MIS18A: variants seen among roughly 807,000 people sequenced by gnomAD.
MIS18A encodes MIS18 kinetochore protein A, also known as protein Mis18-alpha.
A neutral mutation model predicts 25.0 loss-of-function variants in MIS18A; 14 were observed. That is an observed-to-expected ratio of 0.56 (90% CI 0.37 to 0.88). The LOEUF is 0.88. Among genes scored for constraint, MIS18A ranks in the 40% least tolerant of loss-of-function variants. The probability of loss-of-function intolerance (pLI) is 0.00; values close to 1 mark genes in which losing one functional copy is unlikely to be tolerated. For missense variants in MIS18A, 292 were observed against 290.8 expected (o/e 1.00, Z -0.03); for synonymous variants, 134 against 118.6 (o/e 1.13, Z -0.84).
chr21:32,189,980 C>A, the MIS18A span, among the ~76,000 whole-genome samples: 1 of 152,206 alleles, frequency 6.6e-6, no homozygotes, highest in Admixed American at 6.5e-5. Context: ...CCCTCACTTT[C>A]TCCTCCACCC....
At chr21:32,185,289 G>A in the MIS18A span, among the ~76,000 whole-genome samples, 2 of 152,064 alleles carry the variant, frequency 1.3e-5, no homozygotes, top group African/African-American at 4.8e-5. Flanking sequence ...TTAACTGATT[G>A]GTTAGTTTGG....
chr21:32,170,242 A>C, the MIS18A span, among the ~76,000 whole-genome samples: 2 of 152,172 alleles, frequency 1.3e-5, no homozygotes, highest in Admixed American at 6.5e-5. Flanking sequence ...TTCAAATAGA[A>C]AACACATGGA....
At chr21:32,184,588 C>T in the MIS18A span, among the ~76,000 whole-genome samples, 9 of 152,166 alleles carry the variant, frequency 5.9e-5, no homozygotes, top group Non-Finnish European at 1.2e-4. Context: ...TGATATGTGA[C>T]ACCTCCCCAC....
At chr21:32,253,007 C>T in the MIS18A span, among the ~76,000 whole-genome samples, 1 of 152,164 alleles carries the variant, frequency 6.6e-6, no homozygotes, top group Non-Finnish European at 1.5e-5. Flanking sequence ...AAGGAAGGAG[C>T]TGCCCTTGGG....
At chr21:32,216,667 G>C in the MIS18A span, among the ~76,000 whole-genome samples, 3 of 152,184 alleles carry the variant, frequency 2.0e-5, no homozygotes, top group African/African-American at 7.2e-5. Context: ...CATGCCCAGA[G>C]CTATATCATG....
the MIS18A span, among the ~76,000 whole-genome samples, chr21:32,170,259 C>T: frequency 6.6e-6 from 1 of 152,046 alleles, no homozygotes; most frequent in African/African-American, 2.4e-5. Flanking sequence ...TGGAATCAAC[C>T]TAGGTGCTCA....
chr21:32,270,511 G>C lies in MIS18A; in HGVS notation c.420C>G (p.Cys140Trp), dbSNP rs765407603. Reference protein sequence around the residue: ...KENGCVLETLCCAGCSLNLGY... With the variant: ...KENGCVLETLWCAGCSLNLGY... ...CAAGATTGAGTGAGCACCCCGCGCA[G>C]CACAAAGTCTCAAGGACGCTGCAAT... is the stretch of plus-strand genomic sequence containing the variant. The change falls in exon 3 of 5, where the codon TGC becomes TGG. Residue 140 changes from cysteine to tryptophan, a missense_variant. Coordinates refer to ENST00000290130, the MANE Select transcript of MIS18A (RefSeq NM_018944.3). 1.3e-6 allele frequency: 2 copies of C among 1,590,890 alleles called. No individual in the cohort carries two copies. Among genetic ancestry groups the C allele is most frequent in the Non-Finnish European group, 1.7e-6 (2 of 1,170,740 alleles).
the MIS18A span, among the ~76,000 whole-genome samples, chr21:32,157,223 A>ATTTTTTTTTTTTTTTTTT: frequency 6.8e-4 from 49 of 72,312 alleles, 1 homozygote; most frequent in Non-Finnish European, 7.8e-4. Flanking sequence ...TACCCGGCTA[A>ATTTTTTTTTTTTTTTTTT]TTTTTTTTTT....
the MIS18A span, among the ~76,000 whole-genome samples, chr21:32,169,353 G>A: frequency 6.6e-6 from 1 of 152,084 alleles, no homozygotes; most frequent in African/African-American, 2.4e-5. Flanking sequence ...TATTTGACCT[G>A]ACTCAGAGCT....
At chr21:32,162,523 T>C in the MIS18A span, among the ~76,000 whole-genome samples, 1 of 152,150 alleles carries the variant, frequency 6.6e-6, no homozygotes, top group Non-Finnish European at 1.5e-5. Context: ...GTGGACTTCA[T>C]CCTCCCAACA....
the MIS18A span, among the ~76,000 whole-genome samples, chr21:32,165,298 TG>T: frequency 7.4e-3 from 1,126 of 152,168 alleles, 17 homozygotes; most frequent in African/African-American, 0.025. Flanking sequence ...CACTCCAACC[TG>T]GGCAACAAGA....
chr21:32,164,638 T>C, the MIS18A span, among the ~76,000 whole-genome samples: 1 of 150,438 alleles, frequency 6.6e-6, no homozygotes, highest in East Asian at 1.9e-4. Flanking sequence ...AAATTATATA[T>C]ATATATTTGT....
chr21:32,245,092 C>T, the MIS18A span, among the ~76,000 whole-genome samples: 1 of 152,144 alleles, frequency 6.6e-6, no homozygotes, highest in African/African-American at 2.4e-5. Context: ...AACAATAAAA[C>T]CTTAATTGAT....
the MIS18A span, among the ~76,000 whole-genome samples, chr21:32,168,258 T>A: frequency 3.3e-5 from 5 of 152,216 alleles, no homozygotes; most frequent in Non-Finnish European, 5.9e-5. Flanking sequence ...GTCTGTTGTT[T>A]AAGCCACTCA....
intron 1 of MIS18A, among the ~76,000 whole-genome samples, chr21:32,277,489 T>C (rs2031836792): frequency 6.6e-6 from 1 of 152,250 alleles, no homozygotes; most frequent in African/African-American, 2.4e-5. Flanking sequence ...TGTCTCGCTC[T>C]GTCTCCAGGC....
At chr21:32,234,550 C>T in the MIS18A span, among the ~76,000 whole-genome samples, 1 of 152,216 alleles carries the variant, frequency 6.6e-6, no homozygotes, top group Admixed American at 6.5e-5. Context: ...TGTTTGTCCC[C>T]TCCAAATCTC....
chr21:32,157,304 A>T, the MIS18A span, among the ~76,000 whole-genome samples: 12 of 138,726 alleles, frequency 8.7e-5, 1 homozygote, highest in Non-Finnish European at 3.0e-5. Context: ...CTCCTGACTT[A>T]GTGATCCACC....
the MIS18A span, among the ~76,000 whole-genome samples, chr21:32,253,115 G>C: frequency 1.3e-5 from 2 of 152,152 alleles, no homozygotes; most frequent in African/African-American, 4.8e-5. Flanking sequence ...GGTGGGATGC[G>C]CTTTAGGGGG....
At chr21:32,207,985 T>C in the MIS18A span, among the ~76,000 whole-genome samples, 1 of 152,238 alleles carries the variant, frequency 6.6e-6, no homozygotes, top group Non-Finnish European at 1.5e-5. Context: ...ACGCTGCATT[T>C]TCATTTGGCA....
Sources: gnomAD v4.1 joint callset for allele counts (sites outside exome capture counted in the v4.1 genomes callset) on GRCh38, gnomAD v4.1.1 for gene constraint, MANE v1.5 for transcripts, NCBI Gene and HGNC (gene_info 2026-07-23, HGNC 2026-07-21) for gene names.